Variants in ASAP1 observed in about 807,000 individuals in gnomAD.
ASAP1 encodes the protein arf-GAP with SH3 domain, ANK repeat and PH domain-containing protein 1.
In ASAP1, 43 loss-of-function variants were observed where a neutral mutation model predicts 145.2. The observed-to-expected ratio is 0.30, with a 90% CI of 0.23 to 0.38. ASAP1 has a LOEUF of 0.38. Ranked by LOEUF, ASAP1 falls within the 10% of genes least tolerant of loss-of-function variation. ASAP1 has a pLI of 1.00. For synonymous variants in ASAP1, 546 were observed against 515.5 expected, an observed-to-expected ratio of 1.06 and a Z score of -0.80; for missense variants, 1,018 against 1,355.3, an observed-to-expected ratio of 0.75 and a Z score of 3.91.
intron 1 of ASAP1, among the ~76,000 whole-genome samples, 179 bp downstream of exon 1, chr8:130,443,281 A>T (rs1333067986): frequency 2.0e-5 from 3 of 151,302 alleles, no homozygotes; most frequent in Admixed American, 6.6e-5. Flanking sequence ...CACACGCCCC[A>T]GCCCAGGGCC....
chr8:130,204,656 G>A (rs1816087888), intron 5 of ASAP1, among the ~76,000 whole-genome samples: 1 of 152,170 alleles, frequency 6.6e-6, no homozygotes, highest in Admixed American at 6.5e-5. Flanking sequence ...GCTGTGAAAA[G>A]TATGCATACG....
Position 130,127,924 on chromosome 8 carries a change from A to T in ASAP1, c.1381+3T>A. 6.2e-7 allele frequency: 1 copy of T among 1,611,498 alleles called. No individual in the cohort carries two copies. The highest frequency in any genetic ancestry group is 8.5e-7 in the Non-Finnish European group (1 of 1,179,238). On this transcript the variant is annotated splice_donor_region_variant and intron_variant, in intron 16 of 29. Transcript: ENST00000518721. ...AAGCTCGTTCAAATATGGGGACAAA[A>T]ACCTGATGAGCCACAATCGCAGCAA...
intron 13 of ASAP1, among the ~76,000 whole-genome samples, chr8:130,151,281 G>C (rs1168805842): frequency 2.0e-5 from 3 of 147,226 alleles, no homozygotes; most frequent in Non-Finnish European, 4.5e-5. Context: ...TGAGGCAGGA[G>C]ACTCGCTTGA....
In ASAP1 at chr8:130,333,404, C is replaced by G. The variant is rs542388745; in HGVS notation, c.186+24613G>C. Among the ~76,000 whole-genome samples, 18 of 152,222 alleles carry G rather than the reference C, an allele frequency of 1.2e-4. No homozygotes were observed. The East Asian group carries it at 3.3e-3, about 28-fold the overall frequency. On this transcript the variant is annotated intron_variant, in intron 3 of 29. Transcript: ENST00000518721. ...ATCACCTGAGGTCAGGAGTTCGGGACCAGCCTGACCAACATGGTGAAACCC... is the reference window on the plus strand; with the variant it reads ...ATCACCTGAGGTCAGGAGTTCGGGAGCAGCCTGACCAACATGGTGAAACCC...
chr8:130,181,298 A>G (rs1371847501), intron 7 of ASAP1, among the ~76,000 whole-genome samples: 1 of 152,228 alleles, frequency 6.6e-6, no homozygotes, highest in East Asian at 1.9e-4. Context: ...TTTTCCTTTG[A>G]TCTTACACAT....
intron 9 of ASAP1, among the ~76,000 whole-genome samples, chr8:130,175,486 A>G (rs1813888754): frequency 1.3e-5 from 2 of 152,194 alleles, no homozygotes; most frequent in Non-Finnish European, 2.9e-5. Flanking sequence ...TCGGCCTCCT[A>G]AAGTGCTAGG....
intron 27 of ASAP1, among the ~76,000 whole-genome samples, chr8:130,072,827 G>A (rs2097451814): frequency 1.0e-5 from 1 of 98,460 alleles, no homozygotes; most frequent in African/African-American, 4.7e-5. Context: ...GTGTGTGTGC[G>A]CGCGGGGGGG....
chr8:130,284,089 C>T (rs1023272330), intron 3 of ASAP1, among the ~76,000 whole-genome samples: 7 of 152,118 alleles, frequency 4.6e-5, no homozygotes, highest in South Asian at 2.1e-4. Context: ...TTCACTGGCA[C>T]GGAGGACAGA....
chr8:130,159,646 A>G (rs1230670947), intron 12 of ASAP1, among the ~76,000 whole-genome samples: 1 of 151,766 alleles, frequency 6.6e-6, no homozygotes, highest in African/African-American at 2.4e-5. Context: ...CTATAATTGC[A>G]CGTTACAAGA....
intron 3 of ASAP1, among the ~76,000 whole-genome samples, chr8:130,304,337 CAA>C (rs1822859451): frequency 2.6e-5 from 4 of 152,110 alleles, no homozygotes; most frequent in South Asian, 2.1e-4. Context: ...ACCTAATATC[CAA>C]AGAGTCATCT....
chr8:130,344,872 C>G (rs1048595532), intron 3 of ASAP1, among the ~76,000 whole-genome samples: 2 of 152,126 alleles, frequency 1.3e-5, no homozygotes, highest in African/African-American at 4.8e-5. Flanking sequence ...GAAGGAGAAT[C>G]TAATAATGCA....
intron 1 of ASAP1, among the ~76,000 whole-genome samples, chr8:130,423,640 T>C (rs1031933988): frequency 6.6e-6 from 1 of 152,226 alleles, no homozygotes; most frequent in Non-Finnish European, 1.5e-5. Flanking sequence ...AGAGTCCCTA[T>C]ATATTATATG....
intron 26 of ASAP1, among the ~76,000 whole-genome samples, chr8:130,077,993 T>A (rs1421781190): frequency 1.8e-5 from 2 of 111,574 alleles, no homozygotes; most frequent in African/African-American, 6.1e-5. Flanking sequence ...GTTTAAAAAC[T>A]TTTTTTTTTT....
In ASAP1 at chr8:130,341,761, G is replaced by C. The variant is rs527586527; in HGVS notation, c.186+16256C>G. ...CAAGGTTCAGTCACCAATGGTTCAC[G>C]AACAGGCTTTAGGGAAGTCCTGGCA... On this transcript the variant is annotated intron_variant, in intron 3 of 29. Transcript: ENST00000518721. Among the ~76,000 whole-genome samples, 110 of 152,224 alleles carry C rather than the reference G, an allele frequency of 7.2e-4. 1 individual carries two copies. The highest frequency in any genetic ancestry group is 1.4e-3 in the Non-Finnish European group (93 of 68,010).
chr8:130,318,613 G>C (rs1375691567), intron 3 of ASAP1, among the ~76,000 whole-genome samples: 2 of 152,190 alleles, frequency 1.3e-5, no homozygotes, highest in Non-Finnish European at 2.9e-5. Context: ...CCAGCTCTCT[G>C]CATTTTTAAC....
At position 130,060,801 on chromosome 8, in the gene ASAP1, G is replaced by A. The variant is rs746318209; in HGVS notation, c.2970C>T (p.Pro990=). The A allele has an allele frequency of 9.3e-6, 15 of 1,613,958 alleles. No homozygotes were observed. Among genetic ancestry groups the A allele is most frequent in the African/African-American group, 6.7e-5 (5 of 74,880 alleles). Residue 990 remains proline (P), a synonymous_variant, in exon 28 of 30, where the codon CCC becomes CCT. Coordinates refer to ENST00000518721, the MANE Select transcript of ASAP1 (RefSeq NM_018482.4). ...LPPKPQMKDL[P]PKPQLGDLLA... ...GCAGGTCTCCCAGCTGTGGTTTGGG[G>A]GGCAGGTCCTTCATCTGTGGTTTGG...
intron 4 of ASAP1, among the ~76,000 whole-genome samples, chr8:130,220,395 G>A (rs912034094): frequency 6.6e-6 from 1 of 152,124 alleles, no homozygotes; most frequent in African/African-American, 2.4e-5. Flanking sequence ...CAGTCCATGA[G>A]ATAAGTACTA....
At chr8:130,080,051 C>T (rs2097475509) in intron 25 of ASAP1, 80 bp from the exon 26 acceptor site, 1 of 1,281,346 alleles carries the variant, frequency 7.8e-7, no homozygotes. Context: ...GGCCTGTAGA[C>T]AGGCATTGCT....
intron 5 of ASAP1, among the ~76,000 whole-genome samples, chr8:130,207,040 A>G (rs1209810115): frequency 2.0e-5 from 3 of 152,330 alleles, no homozygotes; most frequent in South Asian, 4.1e-4. Flanking sequence ...AATCAAACAT[A>G]TAACAAAACC....
Sources: gnomAD v4.1 joint callset for allele counts (sites outside exome capture counted in the v4.1 genomes callset) on GRCh38, gnomAD v4.1.1 for gene constraint, MANE v1.5 for transcripts, NCBI Gene and HGNC (gene_info 2026-07-23, HGNC 2026-07-21) for gene names.